PCNT: variants seen among roughly 807,000 people sequenced by gnomAD.
PCNT encodes the protein pericentrin, also known as kendrin.
A neutral mutation model predicts 380.4 loss-of-function variants in PCNT; 319 were observed. The ratio of observed to expected loss-of-function variants is 0.84; its 90% confidence interval spans 0.77 to 0.92. PCNT has a LOEUF of 0.92. PCNT is among the 40% of genes least tolerant of loss of function. The probability of loss-of-function intolerance (pLI) is 0.00; values close to 1 mark genes in which losing one functional copy is unlikely to be tolerated. For missense variants in PCNT, 4,400 were observed against 4,255.3 expected (o/e 1.03, Z -0.95); for synonymous variants, 1,845 against 1,735.2 (o/e 1.06, Z -1.57).
At chr21:46,415,354 C>T (rs563674907) in intron 29 of PCNT, among the ~76,000 whole-genome samples, 133 of 141,882 alleles carry the variant, frequency 9.4e-4, no homozygotes, top group African/African-American at 3.2e-3. Flanking sequence ...ATGACAGGAA[C>T]GTTTCTTTGA....
Position 46,332,354 on chromosome 21 carries a change from G to A in PCNT, c.268-2043G>A, listed in dbSNP as rs558180135. Among the ~76,000 whole-genome samples, 21 of 152,254 alleles carry A rather than the reference G, an allele frequency of 1.4e-4. No individual in the cohort carries two copies. The East Asian group carries it at 3.9e-3, about 28-fold the overall frequency. ...CACCATTTATCATCTAGATTTCTGG[G>A]CCGTTTTACTGTTTTGTCATTTTAA... On this transcript the variant is annotated intron_variant, in intron 2 of 46. Transcript: ENST00000359568.
intron 27 of PCNT, among the ~76,000 whole-genome samples, chr21:46,409,180 A>G (rs1425692922): frequency 1.4e-5 from 2 of 145,464 alleles, no homozygotes; most frequent in Admixed American, 7.1e-5. Flanking sequence ...TTGCAGAGCA[A>G]AACTTTTTAC....
intron 3 of PCNT, among the ~76,000 whole-genome samples, chr21:46,337,703 C>T (rs1436230952): frequency 2.0e-5 from 3 of 152,230 alleles, no homozygotes; most frequent in Non-Finnish European, 4.4e-5. Context: ...CTACCTCAGC[C>T]TCCCGAGTTG....
At chr21:46,354,741 G>A (rs937801670) in intron 11 of PCNT, among the ~76,000 whole-genome samples, 1 of 152,216 alleles carries the variant, frequency 6.6e-6, no homozygotes, top group African/African-American at 2.4e-5. Flanking sequence ...TCACTCTGGA[G>A]CAGGGTCCCT....
intron 15 of PCNT, among the ~76,000 whole-genome samples, chr21:46,380,145 ATTTTTTTTTTTTTTTTTT>A (rs552854585): frequency 1.0e-3 from 60 of 59,716 alleles, no homozygotes; most frequent in East Asian, 7.8e-3. Flanking sequence ...CCTGGGGTAG[ATTTTTTTTTTTTTTTTTT>A]TTTTTTTTTT....
At position 46,363,945 on chromosome 21, in the gene PCNT, A is replaced by G; in HGVS notation, c.2609+11A>G. 1 of 1,602,168 alleles carries G rather than the reference A, an allele frequency of 6.2e-7. No homozygotes were observed. The highest frequency in any genetic ancestry group is 8.5e-7 in the Non-Finnish European group (1 of 1,179,138). On this transcript the variant is annotated intron_variant, in intron 14 of 46. Transcript: ENST00000359568. Reference sequence around the variant, plus strand: ...GCTGGCCCGGAGCAGGTGGGTTTGCAGTGACGCCATCTGCAGTCCCTGTGA... The same window carrying G: ...GCTGGCCCGGAGCAGGTGGGTTTGCGGTGACGCCATCTGCAGTCCCTGTGA...
At chr21:46,359,506 T>TTTTTTTTTTTTTTTTTC (rs1384504010) in intron 13 of PCNT, among the ~76,000 whole-genome samples, 1 of 126,232 alleles carries the variant, frequency 7.9e-6, no homozygotes, top group Non-Finnish European at 1.8e-5. Flanking sequence ...TTTTTTTTTT[T>TTTTTTTTTTTTTTTTTC]TGAGACAGTG....
intron 21 of PCNT, among the ~76,000 whole-genome samples, chr21:46,394,726 C>T (rs1394672531): frequency 6.6e-6 from 1 of 152,218 alleles, no homozygotes; most frequent in African/African-American, 2.4e-5. Flanking sequence ...AAAACAGGAG[C>T]ATTTCTCTAA....
At chr21:46,391,533 CGGATCAGGTGAGGCATCCACT>C (rs1342272389) in intron 21 of PCNT, among the ~76,000 whole-genome samples, 157 bp downstream of exon 21, 1 of 152,184 alleles carries the variant, frequency 6.6e-6, no homozygotes, top group Non-Finnish European at 1.5e-5. Flanking sequence ...GAAGCTTGTG[CGGATCAGGTGAGGCATCCACT>C]GGCTTTGCTG....
Position 46,411,753 on chromosome 21 carries a change from G to A in PCNT, c.5680G>A (p.Val1894Ile), listed in dbSNP as rs113208348. 220 of 1,610,622 alleles carry A rather than the reference G, an allele frequency of 1.4e-4. No homozygotes were observed. Among genetic ancestry groups the A allele is most frequent in the African/African-American group, 1.1e-3 (81 of 75,044 alleles). ...KAAHSAELEA[V>I]LLALARIRRA... ...GGCCCACTCTGCCGAGCTGGAGGCC[G>A]TCCTGTTGGCCTTGGCCCGCATCCG... Residue 1894 changes from valine to isoleucine, a missense_variant, in exon 28 of 47, where the codon GTC (valine) becomes ATC (isoleucine). Coordinates refer to ENST00000359568, the MANE Select transcript of PCNT (RefSeq NM_006031.6).
chr21:46,412,871 A>G lies in PCNT; in HGVS notation c.6029A>G (p.Asp2010Gly). ...CAGCCTGTCCTGGTGACGTTGAAGGATGCACCTCTCTGCAAGCAAGAAGGC... is the reference window on the plus strand; with the variant it reads ...CAGCCTGTCCTGGTGACGTTGAAGGGTGCACCTCTCTGCAAGCAAGAAGGC... ...DLQPVLVTLK[D>G]APLCKQEGVM... Residue 2010 changes from aspartate (D) to glycine (G), a missense_variant, in exon 29 of 47, where the codon GAT (aspartate) becomes GGT (glycine). By Grantham distance (94) the Asp-to-Gly change is moderately conservative. Coordinates refer to ENST00000359568, the MANE Select transcript of PCNT (RefSeq NM_006031.6). The G allele has an allele frequency of 1.2e-6, 2 of 1,612,802 alleles. No homozygotes were observed. The highest frequency in any genetic ancestry group is 1.7e-6 in the Non-Finnish European group (2 of 1,180,030).
chr21:46,419,793 T>C (rs1026282701), intron 31 of PCNT, among the ~76,000 whole-genome samples: 3 of 151,948 alleles, frequency 2.0e-5, no homozygotes, highest in Non-Finnish European at 2.9e-5. Context: ...CAGGCTGGAG[T>C]GCAGTGGCGT....
intron 13 of PCNT, among the ~76,000 whole-genome samples, chr21:46,358,281 G>A (rs1198381517): frequency 6.6e-6 from 1 of 152,236 alleles, no homozygotes; most frequent in African/African-American, 2.4e-5. Flanking sequence ...GCTTGTGACA[G>A]TGTTTTCATT....
At chr21:46,408,513 C>T (rs2086686114) in intron 27 of PCNT, among the ~76,000 whole-genome samples, 1 of 152,166 alleles carries the variant, frequency 6.6e-6, no homozygotes, top group Non-Finnish European at 1.5e-5. Context: ...TTTTACATTC[C>T]ACCAGCAATA....
rs145476299 is a variant in PCNT at position 46,399,828 on chromosome 21, T to C, written c.4791+32T>C. Reference sequence around the variant, plus strand: ...CGTCTCCATGTTGTGGTTGGGCACGTGGTGAGGTGTCCCGCAGGCATGGCT... The same window carrying C: ...CGTCTCCATGTTGTGGTTGGGCACGCGGTGAGGTGTCCCGCAGGCATGGCT... On this transcript the variant is annotated intron_variant, in intron 25 of 46. Coordinates refer to ENST00000359568, the MANE Select transcript of PCNT (RefSeq NM_006031.6). The C allele has an allele frequency of 6.9e-4, 1,091 of 1,580,132 alleles. 6 individuals carry two copies. Among genetic ancestry groups the C allele is most frequent in the South Asian group, 4.3e-3 (386 of 90,366 alleles).
intron 29 of PCNT, 33 bp from the exon 30 acceptor site, chr21:46,416,036 T>A: frequency 6.2e-7 from 1 of 1,611,628 alleles, no homozygotes; most frequent in Non-Finnish European, 8.5e-7. Context: ...GAGCCAGGTA[T>A]TCCACCGTGC....
At chr21:46,440,516 T>G (rs2053579321) in intron 42 of PCNT, among the ~76,000 whole-genome samples, 3 of 152,176 alleles carry the variant, frequency 2.0e-5, no homozygotes, top group Admixed American at 1.3e-4. Flanking sequence ...TCTGCTGCAG[T>G]CTCCTGATGG....
chr21:46,407,564 C>T (rs1191191461), intron 27 of PCNT, among the ~76,000 whole-genome samples: 1 of 151,994 alleles, frequency 6.6e-6, no homozygotes, highest in Non-Finnish European at 1.5e-5. Flanking sequence ...AGGATGGTCT[C>T]GATCTCCTGA....
intron 42 of PCNT, among the ~76,000 whole-genome samples, chr21:46,440,653 C>G (rs1206172673): frequency 6.6e-6 from 1 of 152,210 alleles, no homozygotes; most frequent in East Asian, 1.9e-4. Flanking sequence ...GGTCCTAGAT[C>G]TTGTCTGACA....
Sources: gnomAD v4.1 joint callset for allele counts (sites outside exome capture counted in the v4.1 genomes callset) on GRCh38, gnomAD v4.1.1 for gene constraint, MANE v1.5 for transcripts, NCBI Gene and HGNC (gene_info 2026-07-23, HGNC 2026-07-21) for gene names.